RBM47: variants seen among roughly 807,000 people sequenced by gnomAD.
RBM47 encodes RNA-binding protein 47.
In RBM47, 21 loss-of-function variants were observed where a neutral mutation model predicts 47.1. The ratio of observed to expected loss-of-function variants is 0.45; its 90% CI spans 0.32 to 0.64. The LOEUF (loss-of-function observed/expected upper bound fraction) is 0.64, where lower values mean the gene tolerates loss of function less well. Among genes scored for constraint, RBM47 ranks in the 30% least tolerant of loss-of-function variants. The pLI, the probability that RBM47 is intolerant of heterozygous loss-of-function variation, is 0.05. For synonymous variants in RBM47, 375 were observed against 361.7 expected, an observed-to-expected ratio of 1.04 and a Z score of -0.42; for missense variants, 708 against 870.9, an observed-to-expected ratio of 0.81 and a Z score of 2.35.
chr4:40,600,457 A>T (rs1560498256), intron 1 of RBM47, among the ~76,000 whole-genome samples: 1 of 148,832 alleles, frequency 6.7e-6, no homozygotes, highest in Non-Finnish European at 1.5e-5. Flanking sequence ...ACGTGGTGAA[A>T]CCCCGTCTCT....
chr4:40,533,711 C>T (rs1290504704), intron 2 of RBM47, among the ~76,000 whole-genome samples: 1 of 152,112 alleles, frequency 6.6e-6, no homozygotes, highest in Non-Finnish European at 1.5e-5. Context: ...ACATGGCTCA[C>T]TATAGCCTCG....
At chr4:40,607,716 T>C (rs1735892245) in intron 1 of RBM47, among the ~76,000 whole-genome samples, 1 of 149,492 alleles carries the variant, frequency 6.7e-6, no homozygotes, top group South Asian at 2.1e-4. Context: ...CAAAGTAAAA[T>C]AAGAAAAAGA....
chr4:40,539,834 G>C (rs1577915415), intron 2 of RBM47, among the ~76,000 whole-genome samples: 1 of 147,364 alleles, frequency 6.8e-6, no homozygotes, highest in East Asian at 2.1e-4. Flanking sequence ...ATTTCTAAGA[G>C]ATCTGTGACT....
intron 3 of RBM47, among the ~76,000 whole-genome samples, chr4:40,458,807 A>G (rs1716669748): frequency 6.6e-6 from 1 of 152,090 alleles, no homozygotes; most frequent in Non-Finnish European, 1.5e-5. Context: ...AGTGAAAAAC[A>G]AAAAAAGATA....
At chr4:40,529,754 G>A (rs139513704) in intron 2 of RBM47, among the ~76,000 whole-genome samples, 22,903 of 148,730 alleles carry the variant, frequency 0.15, 1,897 homozygotes, top group East Asian at 0.21. Context: ...GCCTGAACCC[G>A]GAAGGCGGAG....
intron 1 of RBM47, among the ~76,000 whole-genome samples, 190 bp downstream of exon 1, chr4:40,629,206 G>A (rs1738007760): frequency 6.6e-6 from 1 of 152,128 alleles, no homozygotes; most frequent in African/African-American, 2.4e-5. Context: ...CCCAGAGGTT[G>A]ACCCTTTTAA....
chr4:40,437,091 ATAT>A (rs1296750349), intron 4 of RBM47, among the ~76,000 whole-genome samples: 9,842 of 32,830 alleles, frequency 0.3, 2,336 homozygotes, highest in Middle Eastern at 0.43. Context: ...AAAAAAAAAA[ATAT>A]ATATATATAT....
chr4:40,532,623 AT>A (rs1056252936), intron 2 of RBM47, among the ~76,000 whole-genome samples: 9 of 150,990 alleles, frequency 6.0e-5, no homozygotes, highest in Non-Finnish European at 1.2e-4. Flanking sequence ...TTTAAAAAAA[AT>A]ATTATTCTTT....
At chr4:40,594,995 CTCT>C (rs1341830724) in intron 1 of RBM47, among the ~76,000 whole-genome samples, 1 of 152,222 alleles carries the variant, frequency 6.6e-6, no homozygotes, top group Non-Finnish European at 1.5e-5. Context: ...AGACATTCCT[CTCT>C]TCTTTGCTAA....
intron 2 of RBM47, among the ~76,000 whole-genome samples, chr4:40,517,469 C>T (rs1468919790): frequency 6.6e-6 from 1 of 152,140 alleles, no homozygotes; most frequent in Non-Finnish European, 1.5e-5. Context: ...AGAACACTCA[C>T]CTCTGCACCC....
chr4:40,553,975 C>A (rs570827030), intron 1 of RBM47, among the ~76,000 whole-genome samples: 19 of 152,092 alleles, frequency 1.2e-4, no homozygotes, highest in South Asian at 2.1e-4. Context: ...AAACTGAGTA[C>A]GCAAGTGCAG....
intron 1 of RBM47, among the ~76,000 whole-genome samples, chr4:40,585,354 A>C (rs1485665269): frequency 6.6e-6 from 1 of 152,206 alleles, no homozygotes; most frequent in African/African-American, 2.4e-5. Context: ...ATTCATATGG[A>C]TCTTCCATTT....
At chr4:40,621,690 AAGTC>A (rs1410474394) in intron 1 of RBM47, among the ~76,000 whole-genome samples, 3 of 152,230 alleles carry the variant, frequency 2.0e-5, no homozygotes, top group African/African-American at 7.2e-5. Context: ...ATAGTAACAT[AAGTC>A]AGTCAAGTGT....
At position 40,449,991 on chromosome 4, in the gene RBM47, T is replaced by C. The variant is rs114092970; in HGVS notation, c.-31-11067A>G. 3.5e-3 allele frequency among the ~76,000 whole-genome samples: 539 copies of C among 152,264 alleles called. 5 individuals are homozygous for C. Among genetic ancestry groups the C allele is most frequent in the African/African-American group, 0.012 (516 of 41,526 alleles). ...GCCACCGCACCTGGCCTTGTTCCCT[T>C]TAAATAAGCATTACTTACACTTTGT... On this transcript the variant is annotated intron_variant, in intron 3 of 6. Transcript: ENST00000295971.
intron 1 of RBM47, among the ~76,000 whole-genome samples, chr4:40,576,240 G>GTT (rs143760914): frequency 7.8e-5 from 9 of 115,030 alleles, no homozygotes; most frequent in South Asian, 2.8e-4. Flanking sequence ...TCTCTTTTCT[G>GTT]TTTTTTTTTT....
intron 1 of RBM47, among the ~76,000 whole-genome samples, chr4:40,593,909 ACGTGG>A (rs1734512414): frequency 6.8e-6 from 1 of 146,374 alleles, no homozygotes; most frequent in Non-Finnish European, 1.5e-5. Flanking sequence ...AATTAGCCGG[ACGTGG>A]TGGTGGGTGC....
At chr4:40,501,922 G>C (rs913066352) in intron 2 of RBM47, 3 of 152,526 alleles carry the variant, frequency 2.0e-5, no homozygotes, top group Non-Finnish European at 4.4e-5. Flanking sequence ...CAGTCTTTTA[G>C]TTCTTCTTCT....
chr4:40,580,488 T>C (rs1384069085), intron 1 of RBM47, among the ~76,000 whole-genome samples: 4 of 151,988 alleles, frequency 2.6e-5, no homozygotes, highest in Non-Finnish European at 5.9e-5. Flanking sequence ...GCCAGATAAT[T>C]AGGAGGGATG....
At chr4:40,440,213 A>G (rs1441377644) in intron 3 of RBM47, among the ~76,000 whole-genome samples, 3 of 152,244 alleles carry the variant, frequency 2.0e-5, no homozygotes, top group African/African-American at 7.2e-5. Flanking sequence ...AGAAAAGTAC[A>G]TAAGAAATTA....
Sources: allele counts gnomAD v4.1 joint callset (sites outside exome capture counted in the v4.1 genomes callset), GRCh38; gene constraint gnomAD v4.1.1; transcripts MANE v1.5; gene names NCBI Gene and HGNC (gene_info 2026-07-23, HGNC 2026-07-21).